Variants in CFAP58 observed in about 807,000 individuals in gnomAD.
The protein encoded by CFAP58 is cilia and flagella associated protein 58, also known as cilia- and flagella-associated protein 58.
CFAP58 carries 88 observed loss-of-function variants against 119.5 expected under a neutral mutation model. The ratio of observed to expected loss-of-function variants is 0.74; its 90% CI spans 0.62 to 0.88. CFAP58 has a LOEUF of 0.88. CFAP58 is among the 40% of genes least tolerant of loss of function. The pLI, the probability that CFAP58 is intolerant of heterozygous loss-of-function variation, is 0.00. For missense variants in CFAP58, 990 were observed against 1,021.2 expected, an observed-to-expected ratio of 0.97 and a Z score of 0.42; for synonymous variants, 365 against 366.3, an observed-to-expected ratio of 1.00 and a Z score of 0.04.
chr10:104,402,953 AT>A (rs1329450565), intron 13 of CFAP58, among the ~76,000 whole-genome samples: 3 of 152,156 alleles, frequency 2.0e-5, no homozygotes, highest in Non-Finnish European at 4.4e-5. Context: ...GCCTCAATAT[AT>A]TGCTGTCAGG....
chr10:104,432,652 G>T (rs1410505559), intron 15 of CFAP58, among the ~76,000 whole-genome samples: 1 of 152,054 alleles, frequency 6.6e-6, no homozygotes. Flanking sequence ...ACAGGCACAC[G>T]CCACCATGCC....
rs1380294185 is a variant in CFAP58, at chr10:104,362,136, G to C, written c.405G>C (p.Glu135Asp). ...EEIVNLTKLVEQGSGLSMDQH... is the reference protein window; with the variant it reads ...EEIVNLTKLVDQGSGLSMDQH... ...TAGTGAACCTGACCAAACTAGTGGA[G>C]CAGGGGTCTGGACTGTCAATGGACC... Residue 135 changes from glutamate (E) to aspartate (D), a missense_variant, in exon 3 of 18, where the codon GAG becomes GAC. Glu to Asp is a conservative substitution (Grantham distance 45, BLOSUM62 2). Coordinates refer to ENST00000369704, the MANE Select transcript of CFAP58 (RefSeq NM_001008723.2). 1.2e-6 allele frequency: 2 copies of C among 1,613,910 alleles called. No homozygotes were observed. Among genetic ancestry groups the C allele is most frequent in the Admixed American group, 1.7e-5 (1 of 59,966 alleles).
chr10:104,401,746 T>G (rs2012268871), intron 13 of CFAP58, among the ~76,000 whole-genome samples: 1 of 152,056 alleles, frequency 6.6e-6, no homozygotes, highest in African/African-American at 2.4e-5. Flanking sequence ...CAAGGATAAA[T>G]CAATACTTTT....
chr10:104,382,716 T>A (rs551574821), intron 9 of CFAP58, among the ~76,000 whole-genome samples: 1 of 152,326 alleles, frequency 6.6e-6, no homozygotes, highest in East Asian at 1.9e-4. Context: ...GTTTTATAAG[T>A]GTTTAGAAGT....
intron 15 of CFAP58, among the ~76,000 whole-genome samples, chr10:104,431,698 C>T (rs952342110): frequency 3.9e-5 from 6 of 152,074 alleles, no homozygotes; most frequent in South Asian, 2.1e-4. Flanking sequence ...TCTTTTCTGC[C>T]TTTTCCAGAG....
chr10:104,450,696 TA>T (rs2013181094), intron 17 of CFAP58, among the ~76,000 whole-genome samples: 2 of 148,024 alleles, frequency 1.4e-5, no homozygotes, highest in East Asian at 2.0e-4. Context: ...TTTATTTATT[TA>T]TTTATTTATT....
intron 15 of CFAP58, among the ~76,000 whole-genome samples, chr10:104,434,370 A>C (rs1029852752): frequency 6.6e-6 from 1 of 152,176 alleles, no homozygotes; most frequent in African/African-American, 2.4e-5. Context: ...GAGGAAGCTG[A>C]GAATTCATTG....
At chr10:104,350,983 G>C (rs1416907135), upstream of CFAP58, among the ~76,000 whole-genome samples, 2 of 152,174 alleles carry the variant, frequency 1.3e-5, no homozygotes, top group Non-Finnish European at 2.9e-5. Context: ...GGGTGACCAG[G>C]GCCCTCTAGG....
At chr10:104,442,447 G>T (rs374147239) in intron 15 of CFAP58, among the ~76,000 whole-genome samples, 24 of 152,124 alleles carry the variant, frequency 1.6e-4, no homozygotes, top group African/African-American at 5.3e-4. Context: ...AATTAGCTGG[G>T]CGTGGTGGCA....
intron 11 of CFAP58, 103 bp downstream of exon 11, chr10:104,393,578 C>T: frequency 8.8e-7 from 1 of 1,132,694 alleles, no homozygotes; most frequent in Non-Finnish European, 1.2e-6. Flanking sequence ...AACAACCACG[C>T]CTGCCTGTGG....
intron 11 of CFAP58, among the ~76,000 whole-genome samples, chr10:104,393,782 T>C (rs185539429): frequency 1.2e-4 from 18 of 152,334 alleles, no homozygotes; most frequent in Non-Finnish European, 2.4e-4. Context: ...AGGTTGGCAG[T>C]GCCAAGAAAT....
In CFAP58 at chr10:104,364,769, A is replaced by T; in HGVS notation, c.477A>T (p.Thr159=). ...TACTGAGGTTCAAAGAAGAAGTGAC[A>T]AAGGAGAGAGACCAGCTCTTATCAG... is the stretch of plus-strand genomic sequence containing the variant. The part of the protein sequence containing the change: ...RDLLRFKEEV[T]KERDQLLSEV... Residue 159 remains threonine, a synonymous_variant, in exon 4 of 18, where the codon ACA becomes ACT. Transcript: ENST00000369704. 6.2e-7 allele frequency: 1 copy of T among 1,613,256 alleles called. No homozygotes were observed. The highest frequency in any genetic ancestry group is 8.5e-7 in the Non-Finnish European group (1 of 1,179,598).
Position 104,406,693 on chromosome 10 carries a change from G to A in CFAP58, c.2156G>A (p.Ser719Asn), listed in dbSNP as rs758982474. The A allele has an allele frequency of 5.6e-6, 9 of 1,613,966 alleles. No homozygotes were observed. The highest frequency in any genetic ancestry group is 5.9e-6 in the Non-Finnish European group (7 of 1,179,946). Residue 719 changes from serine to asparagine, a missense_variant, in exon 15 of 18, where the codon AGC becomes AAC. Coordinates refer to ENST00000369704, the MANE Select transcript of CFAP58 (RefSeq NM_001008723.2). ...NVHRWRKLEA[S>N]DPNAYELIQK... ...ATTGTTGTTCCCCTTGGACAGGCCA[G>A]CGACCCCAATGCATATGAGCTGATA... is the stretch of plus-strand genomic sequence containing the variant.
At chr10:104,410,354 C>T (rs2012440471) in intron 15 of CFAP58, among the ~76,000 whole-genome samples, 1 of 152,160 alleles carries the variant, frequency 6.6e-6, no homozygotes, top group Non-Finnish European at 1.5e-5. Context: ...TTTTCTATTT[C>T]TACATATCTC....
intron 3 of CFAP58, among the ~76,000 whole-genome samples, chr10:104,362,904 T>C (rs1283021636): frequency 6.6e-6 from 1 of 152,216 alleles, no homozygotes; most frequent in African/African-American, 2.4e-5. Flanking sequence ...CCTGCCCCAG[T>C]CAGCCTCTCT....
chr10:104,410,898 CTT>C (rs2012449375), intron 15 of CFAP58, among the ~76,000 whole-genome samples: 2 of 151,786 alleles, frequency 1.3e-5, no homozygotes, highest in South Asian at 2.1e-4. Context: ...CTCTTTAACT[CTT>C]TGTTACATTT....
intron 6 of CFAP58, 112 bp from the exon 7 acceptor site, chr10:104,370,783 C>A: frequency 1.0e-6 from 1 of 1,002,814 alleles, no homozygotes; most frequent in Non-Finnish European, 1.4e-6. Flanking sequence ...CACAGAACAA[C>A]TTTAAAATGC....
chr10:104,406,945 C>G, intron 15 of CFAP58, 152 bp downstream of exon 15: 1 of 613,354 alleles, frequency 1.6e-6, no homozygotes, highest in Non-Finnish European at 2.9e-6. Flanking sequence ...ACAAGCACAG[C>G]CTGATTAATT....
chr10:104,357,723 A>G (rs1466341573), intron 1 of CFAP58, among the ~76,000 whole-genome samples: 2 of 151,532 alleles, frequency 1.3e-5, no homozygotes, highest in Non-Finnish European at 2.9e-5. Flanking sequence ...ATATATCCCA[A>G]TGCATATATA....
Sources: allele counts gnomAD v4.1 joint callset (sites outside exome capture counted in the v4.1 genomes callset), GRCh38; gene constraint gnomAD v4.1.1; transcripts MANE v1.5; gene names NCBI Gene and HGNC (gene_info 2026-07-23, HGNC 2026-07-21).